Variants in DYM observed in about 807,000 individuals in gnomAD.
DYM encodes the protein dyggve-Melchior-Clausen syndrome protein.
In DYM, 78 loss-of-function variants were observed where a neutral mutation model predicts 93.1. That is an observed-to-expected ratio of 0.84 (90% CI 0.70 to 1.01). DYM has a LOEUF of 1.01. Among genes scored for constraint, DYM ranks in the 50% least tolerant of loss-of-function variants. The pLI is 0.00. For synonymous variants in DYM, 321 were observed against 319.7 expected (o/e 1.00, Z -0.04); for missense variants, 789 against 845.0 (o/e 0.93, Z 0.82).
intron 8 of DYM, among the ~76,000 whole-genome samples, chr18:49,310,316 C>T (rs145987358): frequency 6.6e-6 from 1 of 152,210 alleles, no homozygotes; most frequent in African/African-American, 2.4e-5. Context: ...AAAATTTATT[C>T]AATTTAAGTT....
intron 16 of DYM, among the ~76,000 whole-genome samples, chr18:49,097,897 C>CAG (rs2079728005): frequency 1.3e-5 from 2 of 150,194 alleles, no homozygotes; most frequent in African/African-American, 5.0e-5. Flanking sequence ...CTCTCTCTCT[C>CAG]TCTCTCTCTC....
At chr18:49,237,978 G>C (rs2093923292) in intron 13 of DYM, among the ~76,000 whole-genome samples, 1 of 149,904 alleles carries the variant, frequency 6.7e-6, no homozygotes, top group Non-Finnish European at 1.5e-5. Context: ...GTGGATATTT[G>C]AGTTGTTCCT....
chr18:49,188,518 G>T (rs1277252581), intron 14 of DYM, among the ~76,000 whole-genome samples: 2 of 152,128 alleles, frequency 1.3e-5, no homozygotes, highest in East Asian at 3.9e-4. Context: ...CATGAAAAAT[G>T]ATGAGTTCAT....
rs138048973 is a variant in DYM, at chr18:49,054,027, G to A, written c.2026-9823C>T. On this transcript the variant is annotated intron_variant, in intron 17 of 17. Transcript: ENST00000675505. The stretch of plus-strand genomic sequence containing the variant: ...GGGCCAGGAGGTTTTACGTGGGCTT[G>A]GACAGCAAACTCTGGGAGAAATAAT... Among the ~76,000 whole-genome samples, 978 of 152,218 alleles carry A rather than the reference G, an allele frequency of 6.4e-3. 9 individuals are homozygous for A. The highest frequency in any genetic ancestry group is 0.022 in the African/African-American group (917 of 41,490).
At chr18:49,411,236 C>A (rs2042764223) in intron 2 of DYM, among the ~76,000 whole-genome samples, 2 of 152,028 alleles carry the variant, frequency 1.3e-5, no homozygotes, top group South Asian at 4.1e-4. Context: ...TAGAAACACT[C>A]CAGCAACTAG....
At position 49,447,275 on chromosome 18, in the gene DYM, T is replaced by C. The variant is rs1260111181; in HGVS notation, c.-54+13123A>G. 2.0e-5 allele frequency: 3 copies of C among 152,120 alleles called. No homozygotes were observed. In the South Asian group the frequency reaches 6.2e-4, roughly 32 times the overall value. 9.4% of individuals were successfully genotyped at this position (152,120 alleles called of 1,614,324 possible). Reference sequence around the variant, plus strand: ...AAGCATAAGAGACCAGAAAGTACCTTTTTCGAACACGTCTCTTTCTCAAGG... The same window carrying C: ...AAGCATAAGAGACCAGAAAGTACCTCTTTCGAACACGTCTCTTTCTCAAGG... On this transcript the variant is annotated intron_variant, in intron 1 of 17. Coordinates refer to ENST00000675505, the MANE Select transcript of DYM (RefSeq NM_001353214.3).
At chr18:49,131,513 C>T in intron 15 of DYM, among the ~76,000 whole-genome samples, 1 of 152,160 alleles carries the variant, frequency 6.6e-6, no homozygotes, top group East Asian at 1.9e-4. Flanking sequence ...GCCTAAGCCA[C>T]CACGCCCAGT....
At chr18:49,108,099 G>C (rs1283078149) in intron 16 of DYM, among the ~76,000 whole-genome samples, 1 of 152,212 alleles carries the variant, frequency 6.6e-6, no homozygotes, top group East Asian at 1.9e-4. Flanking sequence ...TCAAGCCTTG[G>C]CAATGGCGGA....
intron 14 of DYM, among the ~76,000 whole-genome samples, chr18:49,173,121 T>C (rs181447692): frequency 9.2e-5 from 14 of 152,220 alleles, no homozygotes; most frequent in African/African-American, 3.1e-4. Flanking sequence ...TGAAATTTCA[T>C]TGAGCATATA....
intron 15 of DYM, among the ~76,000 whole-genome samples, chr18:49,154,857 C>G (rs2086222340): frequency 6.6e-6 from 1 of 152,150 alleles, no homozygotes; most frequent in Non-Finnish European, 1.5e-5. Flanking sequence ...ATCTTTCAGT[C>G]TGACTCCCCA....
chr18:49,356,227 G>T (rs2065551754), intron 6 of DYM, among the ~76,000 whole-genome samples: 2 of 134,262 alleles, frequency 1.5e-5, no homozygotes, highest in Admixed American at 1.6e-4. Flanking sequence ...TTCCTATTTT[G>T]CTATACATGT....
chr18:49,104,162 C>G (rs1284484877), intron 16 of DYM, among the ~76,000 whole-genome samples: 1 of 152,024 alleles, frequency 6.6e-6, no homozygotes, highest in Non-Finnish European at 1.5e-5. Context: ...GTATTTTATT[C>G]TCTTTGAAGC....
intron 11 of DYM, among the ~76,000 whole-genome samples, chr18:49,268,879 T>G (rs2094620525): frequency 6.6e-6 from 1 of 152,114 alleles, no homozygotes; most frequent in Admixed American, 6.6e-5. Flanking sequence ...CATAGTATTT[T>G]ACTGAAAACA....
intron 13 of DYM, among the ~76,000 whole-genome samples, chr18:49,251,838 T>G (rs1199052169): frequency 6.6e-6 from 1 of 152,150 alleles, no homozygotes; most frequent in Non-Finnish European, 1.5e-5. Context: ...CATTGTACTG[T>G]CTGCCAGTAC....
Position 49,107,403 on chromosome 18 carries a change from A to G in DYM, c.1912-9888T>C, listed in dbSNP as rs879502143. Reference sequence around the variant, plus strand: ...GATCATCTGAAGCCTTCTTCTCTCAACTCTTCAAAGTCATTCTCCGTCCAG... The same window carrying G: ...GATCATCTGAAGCCTTCTTCTCTCAGCTCTTCAAAGTCATTCTCCGTCCAG... On this transcript the variant is annotated intron_variant, in intron 16 of 17. Coordinates refer to ENST00000675505, the MANE Select transcript of DYM (RefSeq NM_001353214.3). Among the ~76,000 whole-genome samples, 9 of 151,940 alleles carry G rather than the reference A, an allele frequency of 5.9e-5. 1 individual carries two copies. Among genetic ancestry groups the G allele is most frequent in the Admixed American group, 5.9e-4 (9 of 15,258 alleles).
intron 13 of DYM, among the ~76,000 whole-genome samples, chr18:49,214,109 G>A (rs749466816): frequency 6.6e-6 from 1 of 152,192 alleles, no homozygotes; most frequent in Non-Finnish European, 1.5e-5. Context: ...TTGGGATTCA[G>A]TGGTACAAAA....
chr18:49,262,885 T>A (rs945885429), intron 11 of DYM, among the ~76,000 whole-genome samples: 2 of 152,222 alleles, frequency 1.3e-5, no homozygotes, highest in Non-Finnish European at 2.9e-5. Context: ...TTTAGGCTAT[T>A]TACAGTTGTT....
chr18:49,358,444 T>C (rs922434278), intron 6 of DYM, among the ~76,000 whole-genome samples: 1 of 151,994 alleles, frequency 6.6e-6, no homozygotes, highest in African/African-American at 2.4e-5. Flanking sequence ...ACATCAGATA[T>C]CCCCTGTACT....
At chr18:49,383,754 G>A (rs375929335) in intron 3 of DYM, among the ~76,000 whole-genome samples, 26 of 152,130 alleles carry the variant, frequency 1.7e-4, no homozygotes, top group East Asian at 7.7e-4. Flanking sequence ...TCAGAGACCC[G>A]GGTCAGTGTT....
Sources: gnomAD v4.1 joint callset for allele counts (sites outside exome capture counted in the v4.1 genomes callset) on GRCh38, gnomAD v4.1.1 for gene constraint, MANE v1.5 for transcripts, NCBI Gene and HGNC (gene_info 2026-07-23, HGNC 2026-07-21) for gene names.